Variants in TNFSF4 observed in about 807,000 individuals in gnomAD.
The protein encoded by TNFSF4 is TNF superfamily member 4.
In TNFSF4, 4 loss-of-function variants were observed where a neutral mutation model predicts 7.3. That is an observed-to-expected ratio of 0.55 (90% confidence interval 0.27 to 1.25). The LOEUF is 1.25. TNFSF4 is among the 50% of genes most tolerant of loss of function. TNFSF4 has a pLI of 0.12. For synonymous variants in TNFSF4, 76 were observed against 83.7 expected (o/e 0.91, Z 0.50); for missense variants, 181 against 208.8 (o/e 0.87, Z 0.82).
Position 173,186,364 on chromosome 1 carries a change from G to T in TNFSF4, c.*152C>A. The T allele has an allele frequency of 1.7e-6, 1 of 600,844 alleles. No homozygotes were observed. Among genetic ancestry groups the T allele is most frequent in the East Asian group, 2.8e-5 (1 of 36,340 alleles). 37.2% of individuals were successfully genotyped at this position (600,844 alleles called of 1,614,324 possible). On this transcript the variant is annotated 3_prime_UTR_variant, in exon 3 of 3. Coordinates refer to ENST00000281834, the MANE Select transcript of TNFSF4 (RefSeq NM_003326.5). Reference sequence around the variant, plus strand: ...AAATAAGTTTTAAATATCCCTGAGGGGTGGGGGCGGGAGGGCCAGGATCTG... The same window carrying T: ...AAATAAGTTTTAAATATCCCTGAGGTGTGGGGGCGGGAGGGCCAGGATCTG...
the TNFSF4 span, among the ~76,000 whole-genome samples, chr1:173,392,647 C>T: frequency 6.6e-6 from 1 of 152,142 alleles, no homozygotes; most frequent in Admixed American, 6.5e-5. Flanking sequence ...TCTCAAGAAA[C>T]TTATTCTTGG....
chr1:173,216,443 A>G, the TNFSF4 span, among the ~76,000 whole-genome samples: 1 of 152,190 alleles, frequency 6.6e-6, no homozygotes, highest in Non-Finnish European at 1.5e-5. Flanking sequence ...AAAGGTAATG[A>G]ACATAGGCAA....
At chr1:173,394,311 A>C in the TNFSF4 span, among the ~76,000 whole-genome samples, 2 of 151,908 alleles carry the variant, frequency 1.3e-5, no homozygotes, top group South Asian at 2.1e-4. Flanking sequence ...TGAGGACTGC[A>C]GGACTTTAAT....
At chr1:173,324,679 C>A in the TNFSF4 span, among the ~76,000 whole-genome samples, 60 of 151,992 alleles carry the variant, frequency 3.9e-4, no homozygotes, top group African/African-American at 1.3e-3. Flanking sequence ...ATCTACCAAG[C>A]AAATGGAAAA....
chr1:173,351,740 A>G, the TNFSF4 span: 1 of 492,552 alleles, frequency 2.0e-6, no homozygotes. Flanking sequence ...TTCAGGTTGT[A>G]CGAGTACGAG....
the TNFSF4 span, among the ~76,000 whole-genome samples, chr1:173,241,965 C>A: frequency 6.6e-6 from 1 of 152,196 alleles, no homozygotes; most frequent in Non-Finnish European, 1.5e-5. Flanking sequence ...AGTAGGGGAA[C>A]TTACAGCCAG....
At chr1:173,190,541 C>T (rs924938565) in intron 1 of TNFSF4, among the ~76,000 whole-genome samples, 1 of 152,226 alleles carries the variant, frequency 6.6e-6, no homozygotes, top group Non-Finnish European at 1.5e-5. Context: ...GTGCTGAGCA[C>T]ATGGAGAGAG....
the TNFSF4 span, among the ~76,000 whole-genome samples, chr1:173,426,176 T>C: frequency 9.2e-5 from 14 of 152,148 alleles, no homozygotes; most frequent in Non-Finnish European, 1.9e-4. Context: ...GTCTTCCCTG[T>C]TTGATGAGAT....
At chr1:173,275,254 G>A in the TNFSF4 span, among the ~76,000 whole-genome samples, 1 of 152,088 alleles carries the variant, frequency 6.6e-6, no homozygotes, top group Admixed American at 6.6e-5. Context: ...TCCCATCCCA[G>A]ATGAGGAACC....
At chr1:173,446,879 C>T in the TNFSF4 span, among the ~76,000 whole-genome samples, 1 of 152,188 alleles carries the variant, frequency 6.6e-6, no homozygotes, top group Non-Finnish European at 1.5e-5. Context: ...GGACTGGCTT[C>T]CTTGCTCCTC....
chr1:173,250,192 CTTGT>C, the TNFSF4 span, among the ~76,000 whole-genome samples: 2 of 150,510 alleles, frequency 1.3e-5, no homozygotes, highest in Non-Finnish European at 2.9e-5. Context: ...TTTTAATCTA[CTTGT>C]TTATTTTTAT....
the TNFSF4 span, among the ~76,000 whole-genome samples, chr1:173,385,607 G>A: frequency 6.6e-6 from 1 of 152,222 alleles, no homozygotes; most frequent in East Asian, 1.9e-4. Context: ...GGAGGCCGAG[G>A]CAGCTGGATC....
intron 1 of TNFSF4, among the ~76,000 whole-genome samples, 186 bp from the exon 2 acceptor site, chr1:173,188,755 C>A (rs907285287): frequency 2.0e-5 from 3 of 152,144 alleles, no homozygotes; most frequent in Non-Finnish European, 4.4e-5. Context: ...CTCTGACACC[C>A]AGGCTGGAGT....
the TNFSF4 span, among the ~76,000 whole-genome samples, chr1:173,380,292 G>T: frequency 2.6e-5 from 4 of 152,078 alleles, no homozygotes; most frequent in Admixed American, 1.3e-4. Flanking sequence ...ACATGAATAT[G>T]GGGAACAAGT....
Position 173,192,257 on chromosome 1 carries a change from A to C in TNFSF4, c.154-3688T>G, listed in dbSNP as rs181027895. Among the ~76,000 whole-genome samples, 8 of 152,348 alleles carry C rather than the reference A, an allele frequency of 5.3e-5. No homozygotes were observed. In the East Asian group the frequency reaches 1.5e-3, roughly 29 times the overall value. ...CCCATACAAGTATTTAAAGTCACTC[A>C]TTCACAAAGATGTTTATAGCAGCTT... On this transcript the variant is annotated intron_variant, in intron 1 of 2. Coordinates refer to ENST00000281834, the MANE Select transcript of TNFSF4 (RefSeq NM_003326.5).
chr1:173,253,654 T>C, the TNFSF4 span, among the ~76,000 whole-genome samples: 3 of 152,198 alleles, frequency 2.0e-5, no homozygotes, highest in Non-Finnish European at 4.4e-5. Flanking sequence ...TATGAACGTC[T>C]AGTTTCTGCC....
chr1:173,321,867 G>A, the TNFSF4 span, among the ~76,000 whole-genome samples: 1 of 152,198 alleles, frequency 6.6e-6, no homozygotes, highest in Non-Finnish European at 1.5e-5. Flanking sequence ...CTCTTGGTAG[G>A]AGTGTAAATT....
the TNFSF4 span, among the ~76,000 whole-genome samples, chr1:173,448,991 A>G: frequency 6.6e-6 from 1 of 152,216 alleles, no homozygotes; most frequent in African/African-American, 2.4e-5. Context: ...TCTCATATTC[A>G]AATGTAATCC....
the TNFSF4 span, among the ~76,000 whole-genome samples, chr1:173,271,207 A>C: frequency 6.6e-6 from 1 of 152,104 alleles, no homozygotes; most frequent in Non-Finnish European, 1.5e-5. Flanking sequence ...TTTAGTCATG[A>C]AGTCATTCTT....
Sources: allele counts gnomAD v4.1 joint callset (sites outside exome capture counted in the v4.1 genomes callset), GRCh38; gene constraint gnomAD v4.1.1; transcripts MANE v1.5; gene names NCBI Gene and HGNC (gene_info 2026-07-23, HGNC 2026-07-21).